Variants in C8orf34 observed in about 807,000 individuals in gnomAD.
The protein encoded by C8orf34 is uncharacterized protein C8orf34.
A neutral mutation model predicts 68.3 loss-of-function variants in C8orf34; 65 were observed. The ratio of observed to expected loss-of-function variants is 0.95; its 90% CI spans 0.78 to 1.17. The LOEUF (loss-of-function observed/expected upper bound fraction) is 1.17, where lower values mean the gene tolerates loss of function less well. Among genes scored for constraint, C8orf34 ranks in the 50% most tolerant of loss-of-function variants. The probability of loss-of-function intolerance (pLI) is 0.00; values close to 1 mark genes in which losing one functional copy is unlikely to be tolerated. For missense variants in C8orf34, 664 were observed against 655.4 expected (o/e 1.01, Z -0.14); for synonymous variants, 244 against 241.2 (o/e 1.01, Z -0.11).
chr8:68,376,200 A>ATAAAATAAAAT (rs1301658984), intron 1 of C8orf34, among the ~76,000 whole-genome samples: 9 of 151,946 alleles, frequency 5.9e-5, no homozygotes, highest in Non-Finnish European at 4.4e-5. Flanking sequence ...ATAAAATAAA[A>ATAAAATAAAAT]TAAAATAAAA....
chr8:68,446,339 A>T lies in C8orf34; in HGVS notation c.486A>T (p.Gly162=). The T allele has an allele frequency of 6.3e-7, 1 of 1,596,630 alleles. No homozygotes were observed. Among genetic ancestry groups the T allele is most frequent in the Non-Finnish European group, 8.5e-7 (1 of 1,175,430 alleles). ...ATTTTGTTTTAACAGAATCCAAAGG[A>T]ACAAGAAGGGATTTCAGAAGCTATG... ...WAESEKSESK[G]TRRDFRSYDK... Residue 162 remains glycine (G), a synonymous_variant, in exon 3 of 14, where the codon GGA becomes GGT. Coordinates refer to ENST00000518698, the MANE Select transcript of C8orf34 (RefSeq NM_052958.4).
intron 5 of C8orf34, among the ~76,000 whole-genome samples, chr8:68,491,162 A>G (rs1244592780): frequency 1.3e-5 from 2 of 152,042 alleles, no homozygotes; most frequent in East Asian, 3.8e-4. Context: ...TACTTTGTGA[A>G]CTCTGAGAAA....
chr8:68,510,111 T>C (rs1814200243), intron 5 of C8orf34, among the ~76,000 whole-genome samples: 1 of 152,144 alleles, frequency 6.6e-6, no homozygotes, highest in Non-Finnish European at 1.5e-5. Context: ...GTTTTTTTCT[T>C]AGGGCTTTGA....
chr8:68,611,214 A>G (rs531334846), intron 7 of C8orf34, among the ~76,000 whole-genome samples: 13 of 152,252 alleles, frequency 8.5e-5, no homozygotes, highest in African/African-American at 3.1e-4. Context: ...TCAGATAGAC[A>G]TTAGGGAAAT....
intron 7 of C8orf34, among the ~76,000 whole-genome samples, chr8:68,570,304 A>G (rs922246303): frequency 2.0e-5 from 3 of 152,324 alleles, no homozygotes; most frequent in South Asian, 4.1e-4. Context: ...ATCCTGAGAA[A>G]GCTTCCTCAC....
At chr8:68,643,595 C>T (rs1391815957) in intron 8 of C8orf34, among the ~76,000 whole-genome samples, 1 of 151,828 alleles carries the variant, frequency 6.6e-6, no homozygotes, top group Non-Finnish European at 1.5e-5. Context: ...TCATAGATGG[C>T]TGTCTTCTCA....
chr8:68,697,858 T>A (rs1412367185), intron 8 of C8orf34, among the ~76,000 whole-genome samples: 1 of 152,102 alleles, frequency 6.6e-6, no homozygotes, highest in East Asian at 1.9e-4. Flanking sequence ...AAATGAGTTA[T>A]AAAATTCCCC....
chr8:68,795,426 C>T (rs1824151876), intron 12 of C8orf34, among the ~76,000 whole-genome samples: 1 of 150,614 alleles, frequency 6.6e-6, no homozygotes, highest in African/African-American at 2.4e-5. Context: ...TGTAATATAA[C>T]ATAATGTGGA....
chr8:68,536,358 C>CAAAAAAAAAAAAAAAAAAAAAAAAAAA (rs10696903), intron 7 of C8orf34, among the ~76,000 whole-genome samples: 1 of 49,224 alleles, frequency 2.0e-5, no homozygotes, highest in Non-Finnish European at 3.5e-5. Flanking sequence ...GACCCTATCT[C>CAAAAAAAAAAAAAAAAAAAAAAAAAAA]AAAAAAAAAA....
At chr8:68,423,350 TG>T (rs1810067147) in intron 1 of C8orf34, among the ~76,000 whole-genome samples, 1 of 152,318 alleles carries the variant, frequency 6.6e-6, no homozygotes, top group East Asian at 1.9e-4. Flanking sequence ...GACAAAATGC[TG>T]CCAGCCTCTT....
At chr8:68,364,925 A>G (rs1396796013) in intron 1 of C8orf34, among the ~76,000 whole-genome samples, 2 of 152,050 alleles carry the variant, frequency 1.3e-5, no homozygotes, top group Non-Finnish European at 2.9e-5. Context: ...TAGAGACACA[A>G]AAAACCCTTC....
chr8:68,562,285 AG>A (rs1816455707), intron 7 of C8orf34, among the ~76,000 whole-genome samples: 1 of 152,168 alleles, frequency 6.6e-6, no homozygotes, highest in South Asian at 2.1e-4. Context: ...CATTGACCAA[AG>A]CATCTGTATT....
At chr8:68,725,814 T>C (rs1216912899) in intron 10 of C8orf34, among the ~76,000 whole-genome samples, 2 of 152,218 alleles carry the variant, frequency 1.3e-5, no homozygotes, top group Non-Finnish European at 2.9e-5. Flanking sequence ...TGCAAATTTG[T>C]ATTTAGGCAC....
At chr8:68,572,884 A>T (rs1816797812) in intron 7 of C8orf34, among the ~76,000 whole-genome samples, 2 of 152,244 alleles carry the variant, frequency 1.3e-5, no homozygotes, top group African/African-American at 4.8e-5. Context: ...TTTTTGTGTT[A>T]GAGCTGGAAT....
At chr8:68,599,404 T>C (rs1817634245) in intron 7 of C8orf34, among the ~76,000 whole-genome samples, 1 of 151,896 alleles carries the variant, frequency 6.6e-6, no homozygotes, top group Non-Finnish European at 1.5e-5. Context: ...CCGAAAGTAA[T>C]CTTATAGAGG....
rs982239943 is a variant in C8orf34 at position 68,456,252 on chromosome 8, TC to T, written c.607+9793del. Among the ~76,000 whole-genome samples the T allele has an allele frequency of 7.1e-4, 105 of 147,930 alleles. 1 individual carries two copies. Among genetic ancestry groups the T allele is most frequent in the Middle Eastern group, 3.5e-3 (1 of 288 alleles). ...GCCTGGGTGACAGAGCGACACTCTG[TC>T]TGAAAAAAAAAAAAATTTTCTGTCT... On this transcript the variant is annotated intron_variant, in intron 3 of 13. Transcript: ENST00000518698.
chr8:68,433,963 A>G (rs1810551907), intron 1 of C8orf34, among the ~76,000 whole-genome samples: 1 of 152,200 alleles, frequency 6.6e-6, no homozygotes, highest in Admixed American at 6.5e-5. Context: ...AATTTTCTAA[A>G]TAGCACTACA....
At chr8:68,577,201 C>A (rs1307032977) in intron 7 of C8orf34, among the ~76,000 whole-genome samples, 1 of 151,886 alleles carries the variant, frequency 6.6e-6, no homozygotes, top group Non-Finnish European at 1.5e-5. Flanking sequence ...ATAAGAAATA[C>A]AGACTCTCGA....
intron 7 of C8orf34, among the ~76,000 whole-genome samples, chr8:68,615,991 A>T (rs188078909): frequency 0.068 from 10,259 of 150,334 alleles, 504 homozygotes; most frequent in African/African-American, 0.14. Flanking sequence ...CTATTCAGAG[A>T]TTAAACTTCT....
Sources: allele counts gnomAD v4.1 joint callset (sites outside exome capture counted in the v4.1 genomes callset), GRCh38; gene constraint gnomAD v4.1.1; transcripts MANE v1.5; gene names NCBI Gene and HGNC (gene_info 2026-07-23, HGNC 2026-07-21).